The following WASL variants were observed in gnomAD, a reference collection of about 807,000 sequenced individuals.
WASL encodes the protein WASP like actin nucleation promoting factor, also known as actin nucleation-promoting factor WASL.
WASL carries 20 observed loss-of-function variants against 55.5 expected under a neutral mutation model. That is an observed-to-expected ratio of 0.36 (90% CI 0.25 to 0.52). The LOEUF is 0.52. WASL is among the 20% of genes least tolerant of loss of function. The pLI, the probability that WASL is intolerant of heterozygous loss-of-function variation, is 0.92. For missense variants in WASL, 504 were observed against 622.5 expected, an observed-to-expected ratio of 0.81 and a Z score of 2.03; for synonymous variants, 249 against 217.6, an observed-to-expected ratio of 1.14 and a Z score of -1.27.
intron 5 of WASL, among the ~76,000 whole-genome samples, chr7:123,702,505 T>C (rs1284137875): frequency 6.6e-6 from 1 of 152,222 alleles, no homozygotes. Flanking sequence ...CAGCCCTCCA[T>C]ATTCACAGTT....
rs1803467010 is a variant in WASL at position 123,694,872 on chromosome 7, C to T, written c.673-4G>A. ...ATTCTGGATCCAAATTATTCAGCTA[C>T]AAAAGAAAGTAACTGCTAACTATAA... is the stretch of plus-strand genomic sequence containing the variant. On this transcript the variant is annotated splice_region_variant and splice_polypyrimidine_tract_variant and intron_variant, in intron 7 of 10. Coordinates refer to ENST00000223023, the MANE Select transcript of WASL (RefSeq NM_003941.4). The T allele has an allele frequency of 6.3e-7, 1 of 1,598,954 alleles. No individual in the cohort carries two copies. Among genetic ancestry groups the T allele is most frequent in the Admixed American group, 1.8e-5 (1 of 56,160 alleles).
chr7:123,748,072 A>G (rs1357456578), intron 1 of WASL, among the ~76,000 whole-genome samples: 1 of 152,110 alleles, frequency 6.6e-6, no homozygotes, highest in African/African-American at 2.4e-5. Flanking sequence ...ACGAAGAGCA[A>G]TAACATTTCT....
chr7:123,698,764 C>T (rs1301296021), intron 5 of WASL, among the ~76,000 whole-genome samples: 6 of 152,020 alleles, frequency 3.9e-5, no homozygotes, highest in African/African-American at 1.2e-4. Context: ...ATCGAATGAC[C>T]TGAAAGGGTG....
intron 9 of WASL, among the ~76,000 whole-genome samples, chr7:123,690,649 TG>T (rs1322419808): frequency 1.4e-5 from 1 of 70,806 alleles, no homozygotes; most frequent in East Asian, 5.0e-4. Context: ...AGAGTTGGGA[TG>T]GGAGAAAGTT....
At chr7:123,692,202 T>C in intron 9 of WASL, 145 bp downstream of exon 9, 4 of 1,188,038 alleles carry the variant, frequency 3.4e-6, no homozygotes, top group Non-Finnish European at 4.6e-6. Flanking sequence ...TCACTGCATG[T>C]AAAAGTATTT....
chr7:123,739,904 GTGTGTGTGTGTATA>G (rs201523199), intron 1 of WASL, among the ~76,000 whole-genome samples: 31,972 of 97,186 alleles, frequency 0.33, 3,684 homozygotes, highest in East Asian at 0.42. Context: ...GTGTGTGTGT[GTGTGTGTGTGTATA>G]TATATATATA....
intron 10 of WASL, among the ~76,000 whole-genome samples, chr7:123,686,295 G>C (rs1428533092): frequency 5.3e-5 from 8 of 151,782 alleles, no homozygotes; most frequent in Non-Finnish European, 8.8e-5. Flanking sequence ...GTTAATTTCT[G>C]TTTACTCTTC....
At chr7:123,740,877 C>A (rs79979926) in intron 1 of WASL, among the ~76,000 whole-genome samples, 4 of 152,172 alleles carry the variant, frequency 2.6e-5, no homozygotes, top group Admixed American at 2.6e-4. Context: ...TGAACCACCA[C>A]GTCCAGCCCA....
rs187958786 is a variant in WASL at position 123,682,056 on chromosome 7, T to G, written c.*2463A>C. ...ATTCACATACTAAACAAAATTTCAGTTGTCTGAAAATGAAATGATTGAAAG... is the reference window on the plus strand; with the variant it reads ...ATTCACATACTAAACAAAATTTCAGGTGTCTGAAAATGAAATGATTGAAAG... On this transcript the variant is annotated 3_prime_UTR_variant, in exon 11 of 11. Coordinates refer to ENST00000223023, the MANE Select transcript of WASL (RefSeq NM_003941.4). The G allele has an allele frequency of 6.6e-6, 1 of 152,256 alleles. No individual in the cohort carries two copies. The highest frequency in any genetic ancestry group is 1.5e-5 in the Non-Finnish European group (1 of 68,002). 9.4% of individuals were successfully genotyped at this position (152,256 alleles called of 1,614,324 possible). A position where few individuals can be genotyped will look rare whatever the true frequency, so the allele number is the denominator to read the frequency against.
At chr7:123,705,329 T>C (rs953189709) in intron 4 of WASL, among the ~76,000 whole-genome samples, 11 of 152,132 alleles carry the variant, frequency 7.2e-5, no homozygotes, top group South Asian at 2.1e-4. Flanking sequence ...GGAAGATTAG[T>C]AGAAGAATAG....
chr7:123,685,248 A>G (rs1307442532), intron 10 of WASL, among the ~76,000 whole-genome samples: 1 of 151,904 alleles, frequency 6.6e-6, no homozygotes, highest in African/African-American at 2.4e-5. Context: ...TGTGGCTACC[A>G]CTGCTATTTG....
intron 1 of WASL, among the ~76,000 whole-genome samples, chr7:123,709,663 C>T (rs1296883682): frequency 6.6e-6 from 1 of 152,114 alleles, no homozygotes; most frequent in African/African-American, 2.4e-5. Flanking sequence ...TCTTACTCCC[C>T]CTATTACACT....
At chr7:123,732,774 G>A (rs1282421864) in intron 1 of WASL, among the ~76,000 whole-genome samples, 1 of 151,918 alleles carries the variant, frequency 6.6e-6, no homozygotes, top group Non-Finnish European at 1.5e-5. Flanking sequence ...CATGAACAAA[G>A]ATGGAAAAAA....
chr7:123,706,685 GA>G, intron 3 of WASL, 54 bp downstream of exon 3: 2 of 1,264,752 alleles, frequency 1.6e-6, no homozygotes, highest in South Asian at 1.3e-5. Context: ...ATTTGGATTA[GA>G]AAAGGCAAGC....
chr7:123,727,451 CAGA>C (rs1804066996), intron 1 of WASL, among the ~76,000 whole-genome samples: 1 of 151,612 alleles, frequency 6.6e-6, no homozygotes, highest in African/African-American at 2.4e-5. Context: ...TATCCATTAA[CAGA>C]AGAACAGACA....
intron 5 of WASL, among the ~76,000 whole-genome samples, chr7:123,697,030 G>A (rs1170100450): frequency 6.6e-6 from 1 of 151,988 alleles, no homozygotes; most frequent in Non-Finnish European, 1.5e-5. Context: ...AATATAATTA[G>A]TCTAATCTCT....
intron 1 of WASL, among the ~76,000 whole-genome samples, chr7:123,736,367 A>G (rs1804228553): frequency 1.3e-5 from 2 of 152,248 alleles, no homozygotes; most frequent in South Asian, 4.1e-4. Context: ...TAAGGGTACC[A>G]GAAATGATAA....
intron 8 of WASL, among the ~76,000 whole-genome samples, chr7:123,693,541 G>A (rs1033880824): frequency 2.0e-5 from 3 of 152,106 alleles, no homozygotes; most frequent in African/African-American, 4.8e-5. Context: ...GACATGAACT[G>A]GTTATTAACA....
intron 1 of WASL, among the ~76,000 whole-genome samples, chr7:123,740,383 C>A (rs1804318644): frequency 6.6e-6 from 1 of 152,076 alleles, no homozygotes; most frequent in Non-Finnish European, 1.5e-5. Flanking sequence ...TAGTTTTACT[C>A]TCCTATATGC....
Sources: gnomAD v4.1 joint callset for allele counts (sites outside exome capture counted in the v4.1 genomes callset) on GRCh38, gnomAD v4.1.1 for gene constraint, MANE v1.5 for transcripts, NCBI Gene and HGNC (gene_info 2026-07-23, HGNC 2026-07-21) for gene names.